CIROZ: variants seen among roughly 807,000 people sequenced by gnomAD.
CIROZ encodes the protein ciliated left-right organizer protein containing ZP-N domains.
the CIROZ span, chr1:10,949,848 C>T: frequency 6.7e-7 from 1 of 1,498,796 alleles, no homozygotes; most frequent in South Asian, 1.3e-5. Flanking sequence ...AGCCTTCCTC[C>T]TAAGGAAGCA....
chr1:10,964,201 T>C, the CIROZ span: 1 of 1,614,222 alleles, frequency 6.2e-7, no homozygotes, highest in Non-Finnish European at 8.5e-7. Context: ...CTTCATTATG[T>C]AGCGATCACT....
the CIROZ span, among the ~76,000 whole-genome samples, chr1:10,971,314 C>T: frequency 6.6e-6 from 1 of 151,128 alleles, no homozygotes; most frequent in Non-Finnish European, 1.5e-5. Flanking sequence ...GCCCATCCTG[C>T]CCCAGTCCAT....
At chr1:10,976,438 G>A in the CIROZ span, among the ~76,000 whole-genome samples, 4 of 150,742 alleles carry the variant, frequency 2.7e-5, no homozygotes, top group African/African-American at 4.9e-5. Flanking sequence ...TGCAACCTCC[G>A]CCTCCCCGGT....
At chr1:10,965,453 G>A in the CIROZ span, among the ~76,000 whole-genome samples, 4 of 152,218 alleles carry the variant, frequency 2.6e-5, 1 homozygote, top group South Asian at 8.3e-4. Flanking sequence ...TGCTGGCACA[G>A]TGGCTCATTC....
the CIROZ span, among the ~76,000 whole-genome samples, chr1:10,979,716 A>G: frequency 1.3e-5 from 2 of 152,066 alleles, no homozygotes; most frequent in Non-Finnish European, 2.9e-5. Flanking sequence ...ATTGTGGTCT[A>G]CTCCTACAAT....
the CIROZ span, chr1:10,957,070 A>G: frequency 6.4e-7 from 1 of 1,550,776 alleles, no homozygotes; most frequent in South Asian, 1.2e-5. Context: ...ACCGCTCACC[A>G]GCCATAGTGG....
At chr1:10,947,308 AG>A in the CIROZ span, among the ~76,000 whole-genome samples, 49 of 152,348 alleles carry the variant, frequency 3.2e-4, no homozygotes, top group African/African-American at 1.1e-3. Context: ...TGGCAGGGCC[AG>A]GGAGAGACCA....
chr1:10,957,748 T>C, the CIROZ span: 1 of 1,612,472 alleles, frequency 6.2e-7, no homozygotes, highest in South Asian at 1.1e-5. Context: ...ACAGCAGCCA[T>C]GGAGTCTGGA....
At chr1:10,974,201 G>A in the CIROZ span, among the ~76,000 whole-genome samples, 2 of 152,100 alleles carry the variant, frequency 1.3e-5, no homozygotes, top group Admixed American at 6.5e-5. This position sits in a 1 kb window ranked among gnomAD's most constrained non-coding sequence, Gnocchi z 4.4. Context: ...GTAGGGACTC[G>A]TGGTGCCTCT....
At chr1:10,949,620 G>A in the CIROZ span, 19 of 1,598,784 alleles carry the variant, frequency 1.2e-5, no homozygotes, top group African/African-American at 8.0e-5. Context: ...AGCCATAGAC[G>A]TGCTTTGGCC....
chr1:10,971,778 G>C, the CIROZ span, among the ~76,000 whole-genome samples: 1 of 152,304 alleles, frequency 6.6e-6, no homozygotes, highest in African/African-American at 2.4e-5. Context: ...GGAAGGAGAG[G>C]GGCCATGTCT....
chr1:10,972,420 TACAC>T, the CIROZ span, among the ~76,000 whole-genome samples: 1,652 of 131,764 alleles, frequency 0.013, 25 homozygotes, highest in African/African-American at 0.043. Flanking sequence ...GTCTCTGAAA[TACAC>T]ACACACACAC....
the CIROZ span, among the ~76,000 whole-genome samples, chr1:10,975,299 G>A: frequency 1.3e-5 from 2 of 151,758 alleles, no homozygotes; most frequent in East Asian, 3.9e-4. Flanking sequence ...CCAGCTACTC[G>A]GGAGGCTGAG....
At chr1:10,968,056 G>A in the CIROZ span, among the ~76,000 whole-genome samples, 1 of 152,182 alleles carries the variant, frequency 6.6e-6, no homozygotes, top group Non-Finnish European at 1.5e-5. Flanking sequence ...CTACTCTGGA[G>A]GCTGAAGCAG....
chr1:10,958,735 G>T, the CIROZ span: 2 of 1,614,042 alleles, frequency 1.2e-6, no homozygotes, highest in Non-Finnish European at 1.7e-6. Flanking sequence ...CCCTCCACAG[G>T]GGCAGGGGCC....
the CIROZ span, chr1:10,946,539 G>C: frequency 6.6e-6 from 1 of 152,190 alleles, no homozygotes; most frequent in Admixed American, 6.5e-5. Context: ...CTTCTTGGCT[G>C]CATTTCAAAT....
chr1:10,955,234 C>T, the CIROZ span: 2 of 1,523,066 alleles, frequency 1.3e-6, no homozygotes, highest in Admixed American at 3.6e-5. Flanking sequence ...ACTTTGCAGG[C>T]TCGTGGACAA....
At chr1:10,957,867 G>A in the CIROZ span, 1 of 1,223,322 alleles carries the variant, frequency 8.2e-7, no homozygotes, top group African/African-American at 1.5e-5. Context: ...GTCACGGGGA[G>A]GATAATCTAG....
At chr1:10,959,468 C>T in the CIROZ span, among the ~76,000 whole-genome samples, 2 of 152,226 alleles carry the variant, frequency 1.3e-5, no homozygotes, top group African/African-American at 4.8e-5. This position sits in a 1 kb window ranked among gnomAD's most constrained non-coding sequence, Gnocchi z 4.3. Context: ...CCACCCCACC[C>T]AGGTGCTCTC....
Sources: gnomAD v4.1 joint callset for allele counts (sites outside exome capture counted in the v4.1 genomes callset) on GRCh38, gnomAD v4.1.1 for gene constraint, Gnocchi (gnomAD v3.1) non-coding constraint, MANE v1.5 for transcripts, NCBI Gene and HGNC (gene_info 2026-07-23, HGNC 2026-07-21) for gene names.